Variants in ATP8A1 observed in about 807,000 individuals in gnomAD.
The protein encoded by ATP8A1 is ATPase phospholipid transporting 8A1.
ATP8A1 carries 90 observed loss-of-function variants against 177.7 expected under a neutral mutation model. The ratio of observed to expected loss-of-function variants is 0.51; its 90% CI spans 0.43 to 0.60. The LOEUF is 0.60. Among genes scored for constraint, ATP8A1 ranks in the 20% least tolerant of loss-of-function variants. The pLI is 0.00. For synonymous variants in ATP8A1, 493 were observed against 485.9 expected, an observed-to-expected ratio of 1.01 and a Z score of -0.19; for missense variants, 1,072 against 1,392.8, an observed-to-expected ratio of 0.77 and a Z score of 3.67.
intron 20 of ATP8A1, among the ~76,000 whole-genome samples, chr4:42,533,599 G>A (rs1422472697): frequency 6.6e-6 from 1 of 152,130 alleles, no homozygotes; most frequent in Non-Finnish European, 1.5e-5. Context: ...GACATCTCTT[G>A]GGAGCTCTAT....
At chr4:42,416,732 ACT>A (rs1713286841) in intron 35 of ATP8A1, among the ~76,000 whole-genome samples, 1 of 151,936 alleles carries the variant, frequency 6.6e-6, no homozygotes, top group Non-Finnish European at 1.5e-5. Flanking sequence ...GCAGTACTTA[ACT>A]CTCAGGCAGA....
At chr4:42,622,007 C>T (rs1380825315) in intron 4 of ATP8A1, among the ~76,000 whole-genome samples, 3 of 152,102 alleles carry the variant, frequency 2.0e-5, no homozygotes, top group East Asian at 1.9e-4. Flanking sequence ...ATAAATAATG[C>T]TGGAATAACT....
At chr4:42,497,397 C>T (rs986814851) in intron 24 of ATP8A1, among the ~76,000 whole-genome samples, 8 of 152,112 alleles carry the variant, frequency 5.3e-5, no homozygotes, top group Admixed American at 2.6e-4. Context: ...CGAGGCATGG[C>T]GTGCGCCTCT....
chr4:42,602,521 T>A (rs1464928353), intron 5 of ATP8A1, among the ~76,000 whole-genome samples: 1 of 152,168 alleles, frequency 6.6e-6, no homozygotes, highest in African/African-American at 2.4e-5. Context: ...CCCAGCACTT[T>A]GGGAGGCCGA....
chr4:42,552,696 C>T, intron 16 of ATP8A1, 86 bp from the exon 17 acceptor site: 6 of 1,008,720 alleles, frequency 5.9e-6, no homozygotes, highest in Non-Finnish European at 7.4e-6. Context: ...CTATTAAGAA[C>T]ATAGTTGTTG....
rs1306214710 is a variant in ATP8A1, at chr4:42,446,657, G to A, written c.2897-13C>T. 2 of 1,609,018 alleles carry A rather than the reference G, an allele frequency of 1.2e-6. No individual in the cohort carries two copies. Among genetic ancestry groups the A allele is most frequent in the Non-Finnish European group, 1.7e-6 (2 of 1,175,844 alleles). Reference sequence around the variant, plus strand: ...CCAAATGCAGTACCTGTACGAAAAGGAGAGGCCTATTAGAAAGGAAAATGA... The same window carrying A: ...CCAAATGCAGTACCTGTACGAAAAGAAGAGGCCTATTAGAAAGGAAAATGA... On this transcript the variant is annotated splice_polypyrimidine_tract_variant and intron_variant, in intron 30 of 36. Transcript: ENST00000381668.
chr4:42,485,045 T>G (rs1486325104), intron 25 of ATP8A1, among the ~76,000 whole-genome samples: 1 of 152,226 alleles, frequency 6.6e-6, no homozygotes, highest in African/African-American at 2.4e-5. Flanking sequence ...ATAGGCAATT[T>G]TATAAATTAG....
At position 42,657,100 on chromosome 4, in the gene ATP8A1, G is replaced by C. The variant is rs990873149; in HGVS notation, c.-227C>G. 2 of 401,204 alleles carry C rather than the reference G, an allele frequency of 5.0e-6. No homozygotes were observed. Among genetic ancestry groups the C allele is most frequent in the Non-Finnish European group, 8.5e-6 (2 of 233,942 alleles). The allele number at this position is 401,204 out of a possible 1,614,324, so 24.9% of individuals were successfully genotyped here. Reference sequence around the variant, plus strand: ...TGGCGGCGCCCGCAGAGCTGGGCGAGCTCTTGCTGCAGCCGCGGAGGGGCG... The same window carrying C: ...TGGCGGCGCCCGCAGAGCTGGGCGACCTCTTGCTGCAGCCGCGGAGGGGCG... On this transcript the variant is annotated 5_prime_UTR_variant, in exon 1 of 37. Transcript: ENST00000381668.
intron 5 of ATP8A1, among the ~76,000 whole-genome samples, chr4:42,613,403 C>G (rs1330023104): frequency 1.3e-5 from 2 of 152,134 alleles, no homozygotes; most frequent in African/African-American, 4.8e-5. Flanking sequence ...CATGGATGCT[C>G]AAGTCCCTTA....
rs541518805 is a variant in ATP8A1, at chr4:42,486,187, C to T, written c.2152-519G>A. 1.6e-4 allele frequency among the ~76,000 whole-genome samples: 25 copies of T among 152,256 alleles called. No homozygotes were observed. In the South Asian group the frequency reaches 5.2e-3, roughly 32 times the overall value. On this transcript the variant is annotated intron_variant, in intron 24 of 36. Coordinates refer to ENST00000381668, the MANE Select transcript of ATP8A1 (RefSeq NM_006095.2). ...GTTTCCATTGGCTGGAATGGGACCT[C>T]ACATTCTGTATTTGTCCCGATTGGC...
rs575644517 is a variant in ATP8A1, at chr4:42,586,244, C to G, written c.722+105G>C. The G allele has an allele frequency of 2.5e-5, 35 of 1,372,976 alleles. No homozygotes were observed. The African/African-American group carries it at 2.6e-4, about 10-fold the overall frequency. The allele number at this position is 1,372,976 out of a possible 1,614,324, so 85.0% of individuals were successfully genotyped here. On this transcript the variant is annotated intron_variant, in intron 9 of 36. Transcript: ENST00000381668. ...TGCTTTAAAAAGGGTTTTGAGGACT[C>G]AAACTTAGCACACAAGAAGATAATA...
chr4:42,410,540 A>G lies in ATP8A1; in HGVS notation c.*2376T>C, dbSNP rs1403798752. The G allele has an allele frequency of 6.6e-6, 1 of 152,190 alleles. No individual in the cohort carries two copies. Among genetic ancestry groups the G allele is most frequent in the African/African-American group, 2.4e-5 (1 of 41,450 alleles). The allele number at this position is 152,190 out of a possible 1,614,324, so 9.4% of individuals were successfully genotyped here. On this transcript the variant is annotated 3_prime_UTR_variant, in exon 37 of 37. Transcript: ENST00000381668. ...AACACTGTAAAGTCACTGCAATTGC[A>G]ATGTTATATTTTAAGTTTCACCAAG...
chr4:42,454,034 T>C (rs911857908), intron 29 of ATP8A1, among the ~76,000 whole-genome samples: 17 of 152,240 alleles, frequency 1.1e-4, no homozygotes, highest in African/African-American at 3.9e-4. Context: ...TGCACATTAA[T>C]AGTATTAGTT....
At chr4:42,645,440 CA>C (rs1185182741) in intron 1 of ATP8A1, among the ~76,000 whole-genome samples, 1 of 152,150 alleles carries the variant, frequency 6.6e-6, no homozygotes, top group African/African-American at 2.4e-5. Context: ...CAAGTAAATT[CA>C]AGGTTGTATA....
Position 42,615,595 on chromosome 4 carries a change from T to C in ATP8A1, c.409+438A>G, listed in dbSNP as rs1207274794. 5.3e-5 allele frequency among the ~76,000 whole-genome samples: 8 copies of C among 152,340 alleles called. No homozygotes were observed. In the East Asian group the frequency reaches 1.2e-3, roughly 22 times the overall value. ...ACAGAAGCAGGCCGGGTTGTATTTG[T>C]TTTATTTCTGGAGTGTCTGTCATCT... On this transcript the variant is annotated intron_variant, in intron 5 of 36. Coordinates refer to ENST00000381668, the MANE Select transcript of ATP8A1 (RefSeq NM_006095.2).
At chr4:42,489,832 G>T (rs1264790737) in intron 24 of ATP8A1, among the ~76,000 whole-genome samples, 1 of 152,068 alleles carries the variant, frequency 6.6e-6, no homozygotes, top group Non-Finnish European at 1.5e-5. Context: ...TTTGGCTACT[G>T]AAGGGGGAAA....
chr4:42,615,933 G>A (rs1429433889), intron 5 of ATP8A1, 100 bp downstream of exon 5: 1 of 1,125,084 alleles, frequency 8.9e-7, no homozygotes, highest in Non-Finnish European at 1.3e-6. Context: ...AAAAACTTGA[G>A]ATGCACACTA....
At chr4:42,636,156 A>ACACACACACGCGTGCACGCGCG (rs565139270) in intron 1 of ATP8A1, among the ~76,000 whole-genome samples, 1 of 90,898 alleles carries the variant, frequency 1.1e-5, no homozygotes, top group African/African-American at 3.3e-5. Flanking sequence ...ACACACACAC[A>ACACACACACGCGTGCACGCGCG]CGCACACACA....
At chr4:42,518,031 G>A (rs1342026527) in intron 22 of ATP8A1, among the ~76,000 whole-genome samples, 1 of 152,082 alleles carries the variant, frequency 6.6e-6, no homozygotes, top group Non-Finnish European at 1.5e-5. Flanking sequence ...TAAATGCCTT[G>A]TTGTATATTT....
Sources: allele counts gnomAD v4.1 joint callset (sites outside exome capture counted in the v4.1 genomes callset), GRCh38; gene constraint gnomAD v4.1.1; transcripts MANE v1.5; gene names NCBI Gene and HGNC (gene_info 2026-07-23, HGNC 2026-07-21).